Variants in SIDT1 observed in about 807,000 individuals in gnomAD.
The protein encoded by SIDT1 is SID1 transmembrane family, member 1.
SIDT1 carries 101 observed loss-of-function variants against 107.5 expected under a neutral mutation model. That is an observed-to-expected ratio of 0.94 (90% confidence interval 0.80 to 1.11). The LOEUF (loss-of-function observed/expected upper bound fraction) is 1.11, where lower values mean the gene tolerates loss of function less well. SIDT1 is among the 50% of genes least tolerant of loss of function. The pLI is 0.00. For missense variants in SIDT1, 1,076 were observed against 1,058.2 expected, an observed-to-expected ratio of 1.02 and a Z score of -0.23; for synonymous variants, 395 against 398.2, an observed-to-expected ratio of 0.99 and a Z score of 0.10.
At chr3:113,547,418 T>C (rs1460982248) in intron 1 of SIDT1, among the ~76,000 whole-genome samples, 1 of 152,144 alleles carries the variant, frequency 6.6e-6, no homozygotes, top group African/African-American at 2.4e-5. Flanking sequence ...ATGTTGTTAA[T>C]AATAAAACAA....
chr3:113,567,049 T>C (rs559195538), intron 2 of SIDT1, among the ~76,000 whole-genome samples: 2 of 152,200 alleles, frequency 1.3e-5, no homozygotes, highest in East Asian at 3.9e-4. Flanking sequence ...ACTGCACTAA[T>C]AAAAAAAACT....
intron 10 of SIDT1, among the ~76,000 whole-genome samples, chr3:113,595,974 T>C (rs1288739686): frequency 3.3e-5 from 5 of 152,182 alleles, no homozygotes; most frequent in Non-Finnish European, 7.3e-5. Flanking sequence ...GGACCATATC[T>C]GGAAGCTAGT....
At chr3:113,579,349 T>C (rs1014407302) in intron 4 of SIDT1, among the ~76,000 whole-genome samples, 2 of 152,220 alleles carry the variant, frequency 1.3e-5, no homozygotes, top group African/African-American at 4.8e-5. Flanking sequence ...TGGGAACATA[T>C]ATGAGGCTCA....
In SIDT1 at chr3:113,608,142, C is replaced by T. The variant is rs779514989; in HGVS notation, c.1527C>T (p.Phe509=). ...ATCTGGGCCACGTGCTTCTGGGCTT[C>T]CTCTTCCTGCTGATAGTCTTGCGCC... The part of the protein sequence containing the change: ...LSNLGHVLLG[F]LFLLIVLRRD... The change falls in exon 16 of 25, where the codon TTC becomes TTT. Residue 509 remains phenylalanine (F), a synonymous_variant. Transcript: ENST00000264852. The T allele has an allele frequency of 3.1e-6, 5 of 1,612,670 alleles. No homozygotes were observed. Among genetic ancestry groups the T allele is most frequent in the Non-Finnish European group, 4.2e-6 (5 of 1,179,494 alleles).
chr3:113,598,378 A>G (rs1331870861), intron 10 of SIDT1, among the ~76,000 whole-genome samples: 1 of 152,182 alleles, frequency 6.6e-6, no homozygotes, highest in African/African-American at 2.4e-5. Flanking sequence ...GATTACACAC[A>G]CAGACAGAGA....
chr3:113,568,555 C>T (rs1369453956), intron 3 of SIDT1, among the ~76,000 whole-genome samples: 1 of 149,800 alleles, frequency 6.7e-6, no homozygotes, highest in Admixed American at 6.7e-5. Flanking sequence ...GATCGCGCCA[C>T]TGCACCCCAG....
rs200413469 is a variant in SIDT1 at position 113,567,580 on chromosome 3, T to C, written c.385T>C (p.Leu129=). ...SYNYQEVSRT[L]CPSEATNETG... is the part of the protein sequence containing the mutation. ...CAACTATCAAGAAGTGAGCCGCACC[T>C]TATGTCCCTCAGAAGCAACCAATGA... Residue 129 remains leucine (L), a synonymous_variant, in exon 3 of 25, where the codon TTA becomes CTA. Transcript: ENST00000264852. 6.8e-6 allele frequency: 11 copies of C among 1,614,086 alleles called. No individual in the cohort carries two copies. Among genetic ancestry groups the C allele is most frequent in the Non-Finnish European group, 8.5e-6 (10 of 1,180,002 alleles).
intron 6 of SIDT1, 38 bp downstream of exon 6, chr3:113,581,482 A>G (rs772296713): frequency 6.7e-7 from 1 of 1,490,638 alleles, no homozygotes; most frequent in South Asian, 1.1e-5. Context: ...TGCCAATGGT[A>G]ATGCTCAATA....
At chr3:113,607,623 G>T (rs960125148) in intron 15 of SIDT1, among the ~76,000 whole-genome samples, 1 of 152,220 alleles carries the variant, frequency 6.6e-6, no homozygotes, top group Non-Finnish European at 1.5e-5. Flanking sequence ...CTAGCCTCTT[G>T]CTCCAGAGCT....
chr3:113,614,631 A>G (rs1184874520), intron 19 of SIDT1, among the ~76,000 whole-genome samples: 1 of 152,192 alleles, frequency 6.6e-6, no homozygotes, highest in Non-Finnish European at 1.5e-5. Context: ...GGGCTACACA[A>G]GCAAATAAAT....
At chr3:113,535,294 A>G (rs1490234944) in intron 1 of SIDT1, among the ~76,000 whole-genome samples, 1 of 151,998 alleles carries the variant, frequency 6.6e-6, no homozygotes, top group East Asian at 1.9e-4. Flanking sequence ...TTTTTTTTAA[A>G]GAAAAGAGAG....
At chr3:113,633,437 C>T (rs562976101), downstream of SIDT1, among the ~76,000 whole-genome samples, 403 of 152,210 alleles carry the variant, frequency 2.6e-3, 1 homozygote, top group Non-Finnish European at 4.4e-3. Flanking sequence ...ATAATGTAAA[C>T]GTGGAAGACC....
intron 9 of SIDT1, among the ~76,000 whole-genome samples, chr3:113,586,559 A>G (rs1336637198): frequency 6.6e-6 from 1 of 152,216 alleles, no homozygotes; most frequent in Non-Finnish European, 1.5e-5. Context: ...TGCCAAATCT[A>G]GGGTGCAGAA....
chr3:113,624,698 AC>A (rs1464476642), intron 23 of SIDT1, among the ~76,000 whole-genome samples: 1 of 146,510 alleles, frequency 6.8e-6, no homozygotes, highest in African/African-American at 2.5e-5. Context: ...CTCTCCCCCC[AC>A]CCTTCCTGGA....
At chr3:113,599,667 T>C (rs752274015) in intron 10 of SIDT1, among the ~76,000 whole-genome samples, 4 of 152,158 alleles carry the variant, frequency 2.6e-5, no homozygotes, top group Admixed American at 6.5e-5. Context: ...CTCTCTTATA[T>C]GTGAAATCTT....
intron 1 of SIDT1, among the ~76,000 whole-genome samples, chr3:113,543,998 C>T (rs79784115): frequency 0.036 from 5,484 of 152,190 alleles, 331 homozygotes; most frequent in African/African-American, 0.12. Context: ...ACAAAATTAA[C>T]CTGTATAAAC....
chr3:113,586,706 A>T (rs1202399144), intron 9 of SIDT1, among the ~76,000 whole-genome samples: 3 of 152,216 alleles, frequency 2.0e-5, no homozygotes, highest in Admixed American at 6.5e-5. Flanking sequence ...TAATATCACC[A>T]AGGAGAAGAT....
Position 113,566,571 on chromosome 3 carries a change from C to T in SIDT1, c.344+30C>T, listed in dbSNP as rs775579232. ...GTGGGTTTTCTTCCAGGCAACTTCACTATGTTTAGTTTTCTTCAATGTCCT... is the reference window on the plus strand; with the variant it reads ...GTGGGTTTTCTTCCAGGCAACTTCATTATGTTTAGTTTTCTTCAATGTCCT... On this transcript the variant is annotated intron_variant, in intron 2 of 24. Transcript: ENST00000264852. The T allele has an allele frequency of 8.1e-6, 13 of 1,606,944 alleles. No individual in the cohort carries two copies. The East Asian group carries it at 2.7e-4, about 33-fold the overall frequency.
chr3:113,607,953 T>C, intron 15 of SIDT1, 141 bp from the exon 16 acceptor site: 1 of 999,768 alleles, frequency 1.0e-6, no homozygotes, highest in Non-Finnish European at 1.4e-6. Context: ...GGATTTCTAA[T>C]ACTTTTCTGA....
Sources: allele counts gnomAD v4.1 joint callset (sites outside exome capture counted in the v4.1 genomes callset), GRCh38; gene constraint gnomAD v4.1.1; transcripts MANE v1.5; gene names NCBI Gene and HGNC (gene_info 2026-07-23, HGNC 2026-07-21).